Variants in FSTL5 observed in about 807,000 individuals in gnomAD.
The protein encoded by FSTL5 is follistatin-related protein 5.
A neutral mutation model predicts 89.1 loss-of-function variants in FSTL5; 62 were observed. That is an observed-to-expected ratio of 0.70 (90% CI 0.57 to 0.86). FSTL5 has a LOEUF of 0.86. FSTL5 is among the 40% of genes least tolerant of loss of function. FSTL5 has a pLI of 0.00. For synonymous variants in FSTL5, 383 were observed against 346.2 expected (o/e 1.11, Z -1.18); for missense variants, 1,057 against 1,001.6 (o/e 1.06, Z -0.75).
chr4:161,718,206 G>A (rs1407108413), intron 6 of FSTL5, among the ~76,000 whole-genome samples: 1 of 152,092 alleles, frequency 6.6e-6, no homozygotes, highest in Non-Finnish European at 1.5e-5. Context: ...AATTGGAAAT[G>A]AACTTCACTA....
chr4:161,792,584 G>A (rs1037542700), intron 4 of FSTL5, among the ~76,000 whole-genome samples: 7 of 152,192 alleles, frequency 4.6e-5, no homozygotes, highest in African/African-American at 9.6e-5. Flanking sequence ...CTGTGAAGCC[G>A]AGAAAAACCC....
chr4:162,089,116 C>A (rs922053619), intron 2 of FSTL5, among the ~76,000 whole-genome samples: 6 of 152,108 alleles, frequency 3.9e-5, no homozygotes, highest in Non-Finnish European at 1.5e-5. Context: ...CTCTCTCTCT[C>A]ACCCTCTCAT....
chr4:161,792,777 G>A (rs1182636627), intron 4 of FSTL5, among the ~76,000 whole-genome samples: 3 of 152,200 alleles, frequency 2.0e-5, no homozygotes, highest in South Asian at 4.1e-4. Context: ...ACTCCTCTCT[G>A]CCTTGCTTAC....
At chr4:162,100,506 G>A (rs191334601) in intron 2 of FSTL5, among the ~76,000 whole-genome samples, 9 of 152,274 alleles carry the variant, frequency 5.9e-5, no homozygotes, top group African/African-American at 1.9e-4. Flanking sequence ...ACTATATGAT[G>A]TTTGGTGAAA....
intron 6 of FSTL5, among the ~76,000 whole-genome samples, chr4:161,665,883 A>G (rs968272332): frequency 6.7e-5 from 10 of 149,708 alleles, no homozygotes; most frequent in Non-Finnish European, 1.5e-4. Context: ...AAGAAGATGA[A>G]GAAGAAGAAG....
intron 7 of FSTL5, among the ~76,000 whole-genome samples, chr4:161,644,166 G>T (rs959338946): frequency 1.9e-4 from 29 of 152,114 alleles, no homozygotes; most frequent in Non-Finnish European, 4.3e-4. Context: ...GGACACACTG[G>T]ATTTAGGTAG....
chr4:161,788,813 G>A (rs910341341), intron 4 of FSTL5, among the ~76,000 whole-genome samples: 4 of 152,096 alleles, frequency 2.6e-5, no homozygotes, highest in Non-Finnish European at 4.4e-5. Context: ...TTGGAGGATC[G>A]CTTGAGCCCA....
chr4:161,428,540 T>C (rs1465109359), intron 15 of FSTL5, among the ~76,000 whole-genome samples: 1 of 151,884 alleles, frequency 6.6e-6, no homozygotes, highest in Non-Finnish European at 1.5e-5. Flanking sequence ...TCAGCCAGAG[T>C]AGGTTAGGGC....
At chr4:161,997,076 T>G (rs963338748) in intron 3 of FSTL5, among the ~76,000 whole-genome samples, 1 of 152,226 alleles carries the variant, frequency 6.6e-6, no homozygotes, top group African/African-American at 2.4e-5. Flanking sequence ...TTTATTTTAT[T>G]GTTTTACAAC....
At chr4:162,150,061 A>C (rs1008851072) in intron 1 of FSTL5, among the ~76,000 whole-genome samples, 1 of 152,200 alleles carries the variant, frequency 6.6e-6, no homozygotes, top group Non-Finnish European at 1.5e-5. Context: ...ATATTGGCTA[A>C]TCAGGATTGT....
rs757630789 is a variant in FSTL5 at position 161,920,408 on chromosome 4, A to C, written c.405T>G (p.Phe135Leu). 1.9e-6 allele frequency: 3 copies of C among 1,613,668 alleles called. No individual in the cohort carries two copies. The African/African-American group carries it at 4.0e-5, about 22-fold the overall frequency. Reference protein sequence around the residue: ...ITIVHNEDCFFKGDKCKTTEY... With the variant: ...ITIVHNEDCFLKGDKCKTTEY... Reference sequence around the variant, plus strand: ...TAAGGTTCACCCTTCATTTACCTTTAAAGAAGCAGTCTTCATTGTGAACAA... The same window carrying C: ...TAAGGTTCACCCTTCATTTACCTTTCAAGAAGCAGTCTTCATTGTGAACAA... Residue 135 changes from phenylalanine (F) to leucine (L), a missense_variant, in exon 4 of 16, where the codon TTT becomes TTG. Physicochemically the swap from Phe to Leu is conservative, Grantham distance 22 (BLOSUM62 0). Transcript: ENST00000306100.
intron 13 of FSTL5, among the ~76,000 whole-genome samples, chr4:161,463,461 A>C (rs1733647568): frequency 6.6e-6 from 1 of 152,190 alleles, no homozygotes; most frequent in Admixed American, 6.5e-5. Context: ...CATCAACAGA[A>C]TCATATATTA....
intron 3 of FSTL5, among the ~76,000 whole-genome samples, chr4:161,997,846 C>T (rs879515426): frequency 8.6e-5 from 13 of 152,014 alleles, no homozygotes; most frequent in South Asian, 8.3e-4. Flanking sequence ...CCTCGTGATC[C>T]GCCCACCTCG....
intron 15 of FSTL5, among the ~76,000 whole-genome samples, chr4:161,437,700 G>A (rs1011376111): frequency 4.6e-5 from 7 of 151,950 alleles, no homozygotes; most frequent in Non-Finnish European, 7.4e-5. Context: ...AAGCAAGAAG[G>A]CAATTCAACA....
intron 7 of FSTL5, among the ~76,000 whole-genome samples, chr4:161,616,649 G>T (rs1161039851): frequency 6.6e-6 from 1 of 151,948 alleles, no homozygotes; most frequent in African/African-American, 2.4e-5. Flanking sequence ...TCCCTCTAGA[G>T]AATCCTGATT....
At chr4:161,763,966 T>C (rs1257409717) in intron 5 of FSTL5, among the ~76,000 whole-genome samples, 1 of 152,096 alleles carries the variant, frequency 6.6e-6, no homozygotes, top group Non-Finnish European at 1.5e-5. Context: ...TTTCTTCTTT[T>C]TCCTTTCTTC....
intron 6 of FSTL5, among the ~76,000 whole-genome samples, chr4:161,742,489 A>T (rs1001527857): frequency 6.6e-5 from 10 of 152,224 alleles, no homozygotes; most frequent in Non-Finnish European, 4.4e-5. Flanking sequence ...AGAATTTTTT[A>T]AAATATTATT....
intron 3 of FSTL5, among the ~76,000 whole-genome samples, chr4:162,010,817 C>A (rs905694411): frequency 1.3e-5 from 2 of 152,160 alleles, no homozygotes; most frequent in Non-Finnish European, 2.9e-5. Context: ...AATTAATACA[C>A]CATATATGCT....
At chr4:161,514,064 A>T (rs970174843) in intron 10 of FSTL5, among the ~76,000 whole-genome samples, 2 of 152,184 alleles carry the variant, frequency 1.3e-5, no homozygotes, top group African/African-American at 4.8e-5. Flanking sequence ...CCAAACAAAA[A>T]TGCAATCTGA....
Sources: gnomAD v4.1 joint callset for allele counts (sites outside exome capture counted in the v4.1 genomes callset) on GRCh38, gnomAD v4.1.1 for gene constraint, MANE v1.5 for transcripts, NCBI Gene and HGNC (gene_info 2026-07-23, HGNC 2026-07-21) for gene names.